The following KLHL29 variants were observed in gnomAD, a reference collection of about 807,000 sequenced individuals.
KLHL29 encodes kelch-like protein 29.
Under a neutral mutation model 80.4 loss-of-function variants are expected in KLHL29, and 21 were observed. The ratio of observed to expected loss-of-function variants is 0.26; its 90% CI spans 0.19 to 0.38. The LOEUF (loss-of-function observed/expected upper bound fraction) is 0.38, where lower values mean the gene tolerates loss of function less well. Among genes scored for constraint, KLHL29 ranks in the 10% least tolerant of loss-of-function variants. The pLI, the probability that KLHL29 is intolerant of heterozygous loss-of-function variation, is 1.00. For synonymous variants in KLHL29, 511 were observed against 526.8 expected (o/e 0.97, Z 0.41); for missense variants, 867 against 1,223.9 (o/e 0.71, Z 4.35).
At chr2:23,405,636 G>A (rs887866989) in intron 1 of KLHL29, among the ~76,000 whole-genome samples, 2 of 152,160 alleles carry the variant, frequency 1.3e-5, no homozygotes, top group Admixed American at 6.5e-5. Context: ...GTTGGCACCA[G>A]TTCTGCAAGC....
chr2:23,591,215 G>A (rs756751831), intron 3 of KLHL29, among the ~76,000 whole-genome samples: 2 of 152,202 alleles, frequency 1.3e-5, no homozygotes, highest in African/African-American at 2.4e-5. Flanking sequence ...ACGGCCCTGA[G>A]GGAGGGGTGA....
At chr2:23,479,574 GT>G (rs1313616698) in intron 2 of KLHL29, among the ~76,000 whole-genome samples, 1 of 152,108 alleles carries the variant, frequency 6.6e-6, no homozygotes, top group Non-Finnish European at 1.5e-5. Context: ...TGCTTCAGCT[GT>G]TCCCAGACTT....
chr2:23,571,075 G>A (rs1048594624), intron 3 of KLHL29, among the ~76,000 whole-genome samples: 2 of 152,246 alleles, frequency 1.3e-5, no homozygotes, highest in African/African-American at 4.8e-5. Flanking sequence ...CCTTGAGGTT[G>A]CCCTCAGGAG....
rs529855505 is a variant in KLHL29 at position 23,572,893 on chromosome 2, G to A, written c.285+10412G>A. On this transcript the variant is annotated intron_variant, in intron 3 of 13. Coordinates refer to ENST00000486442, the MANE Select transcript of KLHL29 (RefSeq NM_052920.2). ...TTTTTTATATTTTTAGTAGAGACGG[G>A]GTTTCACCATGGTCTCGATCTCCTG... Among the ~76,000 whole-genome samples, 40 of 152,236 alleles carry A rather than the reference G, an allele frequency of 2.6e-4. No individual in the cohort carries two copies. The South Asian group carries it at 6.9e-3, about 26-fold the overall frequency.
chr2:23,573,643 T>G (rs1381512336), intron 3 of KLHL29, among the ~76,000 whole-genome samples: 2 of 152,188 alleles, frequency 1.3e-5, no homozygotes. Context: ...CCAACAAATG[T>G]CAGGATCAAA....
intron 1 of KLHL29, among the ~76,000 whole-genome samples, chr2:23,398,584 T>C (rs1172434524): frequency 6.6e-6 from 1 of 152,274 alleles, no homozygotes; most frequent in Non-Finnish European, 1.5e-5. Context: ...CTGCTGCCGC[T>C]GCTGGGATCC....
At chr2:23,580,013 T>C (rs995066631) in intron 3 of KLHL29, among the ~76,000 whole-genome samples, 2 of 152,238 alleles carry the variant, frequency 1.3e-5, no homozygotes, top group African/African-American at 4.8e-5. Context: ...TTGTGTGGCC[T>C]CTTTTTCCTC....
rs61729937 is a variant in KLHL29 at position 23,693,513 on chromosome 2, C to T, written c.1527C>T (p.Pro509=). 82 of 1,550,378 alleles carry T rather than the reference C, an allele frequency of 5.3e-5. No homozygotes were observed. The highest frequency in any genetic ancestry group is 6.4e-5 in the Non-Finnish European group (73 of 1,146,038). The change falls in exon 8 of 14, where the codon CCC becomes CCT. Residue 509 remains proline, a synonymous_variant. Coordinates refer to ENST00000486442, the MANE Select transcript of KLHL29 (RefSeq NM_052920.2). ...ETVIKWIKKD[P]ATRTQYAAEL... is the part of the protein sequence containing the mutation. ...TCATCAAGTGGATCAAGAAGGACCC[C>T]GCGACACGCACACAGGTGGGGCCTG...
intron 2 of KLHL29, among the ~76,000 whole-genome samples, chr2:23,558,026 G>A (rs1288574043): frequency 1.3e-5 from 2 of 152,146 alleles, no homozygotes; most frequent in South Asian, 2.1e-4. Context: ...CATGACGAGC[G>A]AAGGGAACTG....
In KLHL29 at chr2:23,691,704, G is replaced by C. The variant is rs777435330; in HGVS notation, c.1110G>C (p.Arg370=). ...TGCAAGACAGCGGCCAGGGCGGCCG[G>C]GAGAAGCTGGAGCTCGTCCTGTCGA... is the stretch of plus-strand genomic sequence containing the variant. ...RSVQDSGQGG[R]EKLELVLSNL... is the part of the protein sequence containing the mutation. The change falls in exon 7 of 14, where the codon CGG becomes CGC. Residue 370 remains arginine (R), a synonymous_variant. Coordinates refer to ENST00000486442, the MANE Select transcript of KLHL29 (RefSeq NM_052920.2). 8 of 1,551,784 alleles carry C rather than the reference G, an allele frequency of 5.2e-6. No homozygotes were observed. In the South Asian group the frequency reaches 9.5e-5, roughly 18 times the overall value.
At chr2:23,423,707 T>C (rs563079302) in intron 1 of KLHL29, among the ~76,000 whole-genome samples, 3 of 152,146 alleles carry the variant, frequency 2.0e-5, no homozygotes, top group African/African-American at 7.2e-5. Context: ...GGGGGTGCGG[T>C]GTGGGATCTC....
intron 1 of KLHL29, among the ~76,000 whole-genome samples, chr2:23,414,627 C>A (rs1169572575): frequency 6.6e-6 from 1 of 152,118 alleles, no homozygotes; most frequent in African/African-American, 2.4e-5. Context: ...GTATGGGGAC[C>A]CACTGGAGAT....
intron 2 of KLHL29, among the ~76,000 whole-genome samples, chr2:23,501,510 G>A (rs762604366): frequency 6.6e-6 from 1 of 152,136 alleles, no homozygotes; most frequent in African/African-American, 2.4e-5. Flanking sequence ...CACTCAGCCC[G>A]ATCATCGATG....
chr2:23,693,819 C>T (rs1042317759), intron 8 of KLHL29, among the ~76,000 whole-genome samples: 26 of 152,150 alleles, frequency 1.7e-4, no homozygotes, highest in African/African-American at 5.8e-4. Flanking sequence ...GAACACGGAC[C>T]CAGCTGGAGG....
chr2:23,654,830 C>A (rs1202894827), intron 5 of KLHL29, among the ~76,000 whole-genome samples: 1 of 152,188 alleles, frequency 6.6e-6, no homozygotes, highest in African/African-American at 2.4e-5. Flanking sequence ...TGGCTTAAGA[C>A]CCTGCCCAGG....
intron 5 of KLHL29, among the ~76,000 whole-genome samples, chr2:23,648,894 A>G (rs1050767294): frequency 6.6e-6 from 1 of 152,238 alleles, no homozygotes; most frequent in Non-Finnish European, 1.5e-5. Flanking sequence ...AACTTCTGCT[A>G]GAAAAAGGGT....
At chr2:23,693,642 G>A in intron 8 of KLHL29, 114 bp downstream of exon 8, 2 of 1,136,604 alleles carry the variant, frequency 1.8e-6, no homozygotes. Context: ...CTCTCCCTAA[G>A]TGGCAGAGAG....
intron 11 of KLHL29, among the ~76,000 whole-genome samples, chr2:23,702,944 A>G (rs1403033466): frequency 6.6e-6 from 1 of 151,210 alleles, no homozygotes; most frequent in South Asian, 2.1e-4. Context: ...TTCTGCACAG[A>G]CGCTGCCATA....
chr2:23,393,880 C>G (rs1666383467), intron 1 of KLHL29, among the ~76,000 whole-genome samples: 1 of 152,192 alleles, frequency 6.6e-6, no homozygotes, highest in Non-Finnish European at 1.5e-5. Flanking sequence ...ACGGTCACTC[C>G]TGTGTAGCTC....
Sources: allele counts gnomAD v4.1 joint callset (sites outside exome capture counted in the v4.1 genomes callset), GRCh38; gene constraint gnomAD v4.1.1; transcripts MANE v1.5; gene names NCBI Gene and HGNC (gene_info 2026-07-23, HGNC 2026-07-21).